Variants in GHR observed in about 807,000 individuals in gnomAD.
GHR encodes growth hormone receptor.
A neutral mutation model predicts 67.1 loss-of-function variants in GHR; 35 were observed. The ratio of observed to expected loss-of-function variants is 0.52; its 90% CI spans 0.40 to 0.69. GHR has a LOEUF of 0.69. Among genes scored for constraint, GHR ranks in the 30% least tolerant of loss-of-function variants. The pLI, the probability that GHR is intolerant of heterozygous loss-of-function variation, is 0.00. For missense variants in GHR, 792 were observed against 764.6 expected, an observed-to-expected ratio of 1.04 and a Z score of -0.42; for synonymous variants, 272 against 269.1, an observed-to-expected ratio of 1.01 and a Z score of -0.10.
At chr5:42,474,338 A>AAAGAAAGAAAG (rs370296727) in intron 1 of GHR, among the ~76,000 whole-genome samples, 3 of 35,222 alleles carry the variant, frequency 8.5e-5, no homozygotes, top group Non-Finnish European at 2.0e-4. Context: ...AGAAAGAAAG[A>AAAGAAAGAAAG]AAAGAAATAA....
At position 42,488,795 on chromosome 5, in the gene GHR, G is replaced by A. The variant is rs553252857; in HGVS notation, c.-12+64840G>A. On this transcript the variant is annotated intron_variant, in intron 1 of 9. Coordinates refer to ENST00000230882, the MANE Select transcript of GHR (RefSeq NM_000163.5). Reference sequence around the variant, plus strand: ...CAGAGAAGTCATCACCATCTTTATCGCCACAGCTAACATATGGGTAGTGCT... The same window carrying A: ...CAGAGAAGTCATCACCATCTTTATCACCACAGCTAACATATGGGTAGTGCT... Among the ~76,000 whole-genome samples, 16 of 152,194 alleles carry A rather than the reference G, an allele frequency of 1.1e-4. No homozygotes were observed. In the South Asian group the frequency reaches 2.9e-3, roughly 28 times the overall value.
chr5:42,655,475 T>G (rs921116303), intron 3 of GHR, among the ~76,000 whole-genome samples: 1 of 152,156 alleles, frequency 6.6e-6, no homozygotes, highest in Non-Finnish European at 1.5e-5. Flanking sequence ...CGTGGTGACA[T>G]TGGCAGACTC....
In GHR at chr5:42,670,831, A is replaced by G. The variant is rs991186969; in HGVS notation, c.137-18059A>G. 2.0e-5 allele frequency among the ~76,000 whole-genome samples: 3 copies of G among 147,022 alleles called. No homozygotes were observed. The East Asian group carries it at 6.0e-4, about 29-fold the overall frequency. On this transcript the variant is annotated intron_variant, in intron 3 of 9. Transcript: ENST00000230882. ...GCACATGTACCCTAAAACTTAAAGT[A>G]TAATAATAATTTTTTTTAAAAAAAA...
chr5:42,649,983 G>A (rs1754932820), intron 3 of GHR, among the ~76,000 whole-genome samples: 1 of 152,182 alleles, frequency 6.6e-6, no homozygotes, highest in Non-Finnish European at 1.5e-5. Context: ...ATAGACTTCA[G>A]TTGGAAGAAA....
At chr5:42,430,377 A>T (rs1743040623) in intron 1 of GHR, among the ~76,000 whole-genome samples, 1 of 152,062 alleles carries the variant, frequency 6.6e-6, no homozygotes, top group African/African-American at 2.4e-5. Flanking sequence ...CACACACAAA[A>T]ACATATATGT....
intron 3 of GHR, among the ~76,000 whole-genome samples, chr5:42,666,235 T>C (rs1755971580): frequency 6.6e-6 from 1 of 151,284 alleles, no homozygotes. Context: ...CATATGCCAT[T>C]TTAAATTTTT....
chr5:42,603,121 G>A (rs186264344), intron 2 of GHR, among the ~76,000 whole-genome samples: 55 of 134,754 alleles, frequency 4.1e-4, no homozygotes, highest in Admixed American at 2.2e-3. Flanking sequence ...GGGTATAGCC[G>A]TCTTTGTTGT....
chr5:42,549,905 AT>A (rs1196466466), intron 1 of GHR, among the ~76,000 whole-genome samples: 1 of 152,200 alleles, frequency 6.6e-6, no homozygotes, highest in Non-Finnish European at 1.5e-5. Flanking sequence ...TTTGGAGTAA[AT>A]TTCTTTCTTT....
intron 2 of GHR, among the ~76,000 whole-genome samples, chr5:42,595,141 T>C (rs1438498236): frequency 6.6e-6 from 1 of 152,206 alleles, no homozygotes; most frequent in African/African-American, 2.4e-5. Context: ...AATGTGTTTA[T>C]TAACCACTTG....
At position 42,713,544 on chromosome 5, in the gene GHR, G is replaced by A. The variant is rs773980616; in HGVS notation, c.875+25G>A. The A allele has an allele frequency of 4.2e-6, 4 of 956,960 alleles. No individual in the cohort carries two copies. In the Admixed American group the frequency reaches 5.1e-5, roughly 12 times the overall value. The allele number at this position is 956,960 out of a possible 1,614,324, so 59.3% of individuals were successfully genotyped here. ...GGTAGGTGTGGAGTAGTATTCTTTG[G>A]TATTTTGTACCAGTTGTTTAGATTT... On this transcript the variant is annotated intron_variant, in intron 8 of 9. Transcript: ENST00000230882.
intron 1 of GHR, among the ~76,000 whole-genome samples, chr5:42,516,917 A>C (rs1279349844): frequency 6.6e-6 from 1 of 152,188 alleles, no homozygotes; most frequent in Non-Finnish European, 1.5e-5. Flanking sequence ...TTTGCACTTG[A>C]GTGCCAGAGT....
At chr5:42,429,967 G>T (rs899333345) in intron 1 of GHR, among the ~76,000 whole-genome samples, 2 of 152,168 alleles carry the variant, frequency 1.3e-5, no homozygotes, top group Non-Finnish European at 2.9e-5. Flanking sequence ...ATCAAATAAA[G>T]ATACTTCCTT....
At position 42,630,779 on chromosome 5, in the gene GHR, C is replaced by A. The variant is rs1448502571; in HGVS notation, c.136+1676C>A. 2.3e-5 allele frequency among the ~76,000 whole-genome samples: 3 copies of A among 132,204 alleles called. 1 individual carries two copies. The highest frequency in any genetic ancestry group is 7.3e-5 in the Admixed American group (1 of 13,748). The allele number at this position is 132,204 out of a possible 152,430, so 86.7% of individuals were successfully genotyped here. A position where few individuals can be genotyped will look rare whatever the true frequency, so the allele number is the denominator to read the frequency against. On this transcript the variant is annotated intron_variant, in intron 3 of 9. Transcript: ENST00000230882. ...GAAGTAATCAGTTGAAAATGTGTTACTAATGGTACATGCTTCACATTGAAA... is the reference window on the plus strand; with the variant it reads ...GAAGTAATCAGTTGAAAATGTGTTAATAATGGTACATGCTTCACATTGAAA...
intron 6 of GHR, among the ~76,000 whole-genome samples, chr5:42,701,736 G>A (rs1245679724): frequency 1.3e-5 from 2 of 152,070 alleles, no homozygotes; most frequent in Non-Finnish European, 2.9e-5. Context: ...AATATTTGAA[G>A]ACTTTTCTTG....
At chr5:42,554,084 C>T (rs1346416664) in intron 1 of GHR, among the ~76,000 whole-genome samples, 1 of 152,150 alleles carries the variant, frequency 6.6e-6, no homozygotes, top group East Asian at 1.9e-4. Context: ...ATTCTCAATC[C>T]TGGCCATGCT....
At chr5:42,715,891 C>T (rs1400268413) in intron 8 of GHR, among the ~76,000 whole-genome samples, 4 of 152,230 alleles carry the variant, frequency 2.6e-5, no homozygotes, top group Non-Finnish European at 5.9e-5. Flanking sequence ...CCACCATCCT[C>T]ATTCCTCCTA....
At chr5:42,565,668 ATT>A in intron 1 of GHR, 194 bp from the exon 2 acceptor site, 1 of 985,366 alleles carries the variant, frequency 1.0e-6, no homozygotes, top group Non-Finnish European at 1.2e-6. Context: ...GGGAAGTAGA[ATT>A]TATTACAACC....
intron 3 of GHR, among the ~76,000 whole-genome samples, chr5:42,657,437 C>G (rs188466903): frequency 6.6e-6 from 1 of 152,246 alleles, no homozygotes; most frequent in East Asian, 1.9e-4. Flanking sequence ...AAGTGGCCAT[C>G]TATCCTTTGG....
intron 1 of GHR, among the ~76,000 whole-genome samples, chr5:42,482,532 A>C (rs1745692152): frequency 6.6e-6 from 1 of 152,216 alleles, no homozygotes; most frequent in Non-Finnish European, 1.5e-5. Context: ...GGCTCCACCC[A>C]GTTCGAGCTT....
Sources: allele counts gnomAD v4.1 joint callset (sites outside exome capture counted in the v4.1 genomes callset), GRCh38; gene constraint gnomAD v4.1.1; transcripts MANE v1.5; gene names NCBI Gene and HGNC (gene_info 2026-07-23, HGNC 2026-07-21).